Variants in TMEM108 observed in about 807,000 individuals in gnomAD.
TMEM108 encodes the protein cancer/testis antigen 124.
TMEM108 carries 12 observed loss-of-function variants against 35.1 expected under a neutral mutation model. The observed-to-expected ratio is 0.34, with a 90% CI of 0.22 to 0.55. The LOEUF is 0.55. Ranked by LOEUF, TMEM108 falls within the 20% of genes least tolerant of loss-of-function variation. TMEM108 has a pLI of 0.89. For missense variants in TMEM108, 680 were observed against 753.3 expected, an observed-to-expected ratio of 0.90 and a Z score of 1.14; for synonymous variants, 287 against 308.6, an observed-to-expected ratio of 0.93 and a Z score of 0.73.
At chr3:133,075,426 CTTGGGGGATTTTTTGGCCAT>C (rs1251013050) in intron 2 of TMEM108, among the ~76,000 whole-genome samples, 1 of 152,168 alleles carries the variant, frequency 6.6e-6, no homozygotes, top group Non-Finnish European at 1.5e-5. Flanking sequence ...AAAATGAAGT[CTTGGGGGATTTTTTGGCCAT>C]TTCTTTGATC....
At chr3:133,233,188 C>T (rs6796567) in intron 3 of TMEM108, among the ~76,000 whole-genome samples, 4,965 of 152,156 alleles carry the variant, frequency 0.033, 287 homozygotes, top group African/African-American at 0.11. Context: ...TATCCCTCCC[C>T]GCTCCGCCAC....
At chr3:133,108,653 G>T (rs1944188196) in intron 2 of TMEM108, among the ~76,000 whole-genome samples, 1 of 152,014 alleles carries the variant, frequency 6.6e-6, no homozygotes, top group Non-Finnish European at 1.5e-5. Context: ...TTTGGCTTTT[G>T]TTTCCATTGC....
At chr3:133,182,380 CCTG>C (rs1257533233) in intron 2 of TMEM108, among the ~76,000 whole-genome samples, 1 of 152,124 alleles carries the variant, frequency 6.6e-6, no homozygotes, top group African/African-American at 2.4e-5. Context: ...TTTTTAAAAA[CCTG>C]CTGAGTATCA....
chr3:133,358,047 C>T (rs1018338788), intron 3 of TMEM108, among the ~76,000 whole-genome samples: 2 of 152,178 alleles, frequency 1.3e-5, no homozygotes, highest in African/African-American at 4.8e-5. Context: ...AATTTACTCC[C>T]AGAATCACAT....
intron 3 of TMEM108, among the ~76,000 whole-genome samples, chr3:133,262,990 C>T (rs546437062): frequency 4.6e-5 from 7 of 152,272 alleles, no homozygotes; most frequent in African/African-American, 1.7e-4. Flanking sequence ...ATACTTAAAA[C>T]TTGTGTATTT....
intron 2 of TMEM108, among the ~76,000 whole-genome samples, chr3:133,198,664 C>T (rs763101018): frequency 1.3e-5 from 2 of 152,158 alleles, no homozygotes; most frequent in Non-Finnish European, 2.9e-5. Flanking sequence ...AAAAAAAGGG[C>T]ACATCTTTTG....
chr3:133,076,625 A>T (rs1189017015), intron 2 of TMEM108, among the ~76,000 whole-genome samples: 1 of 152,238 alleles, frequency 6.6e-6, no homozygotes, highest in Non-Finnish European at 1.5e-5. Flanking sequence ...CTTCCACTTT[A>T]AATTATTCTC....
intron 2 of TMEM108, among the ~76,000 whole-genome samples, chr3:133,136,416 C>T (rs1484783506): frequency 2.0e-5 from 3 of 152,228 alleles, no homozygotes; most frequent in Non-Finnish European, 4.4e-5. Context: ...TTCCTACCTG[C>T]TCTTTTTAGC....
At chr3:133,262,115 C>T (rs1302439846) in intron 3 of TMEM108, among the ~76,000 whole-genome samples, 2 of 152,226 alleles carry the variant, frequency 1.3e-5, no homozygotes, top group Non-Finnish European at 2.9e-5. Context: ...TGCCTCCACT[C>T]AGCATAGTCT....
At position 133,177,732 on chromosome 3, in the gene TMEM108, A is replaced by G. The variant is rs535913663; in HGVS notation, c.-46-51534A>G. Among the ~76,000 whole-genome samples the G allele has an allele frequency of 9.7e-3, 1,480 of 152,288 alleles. 29 individuals carry two copies. The highest frequency in any genetic ancestry group is 0.034 in the African/African-American group (1,406 of 41,538). ...TACTGAATGGGCAAAAACTGGAAGC[A>G]TTCCCTTTGAAAACTGGCACAAGAT... On this transcript the variant is annotated intron_variant, in intron 2 of 5. Transcript: ENST00000321871.
chr3:133,315,149 T>A (rs2071181457), intron 3 of TMEM108, among the ~76,000 whole-genome samples: 1 of 152,230 alleles, frequency 6.6e-6, no homozygotes, highest in Admixed American at 6.5e-5. Flanking sequence ...TAATAGAGGT[T>A]AAGTATTGTT....
Position 133,229,266 on chromosome 3 carries a change from A to G in TMEM108, c.-46A>G. ...CAATTTTCTTCTCCCAATTTCCTAG[A>G]CAGAATCATGAATAAACTGGAGGAT... On this transcript the variant is annotated splice_region_variant and 5_prime_UTR_variant, in exon 3 of 6. Coordinates refer to ENST00000321871, the MANE Select transcript of TMEM108 (RefSeq NM_023943.4). 6.3e-7 allele frequency: 1 copy of G among 1,594,102 alleles called. No individual in the cohort carries two copies. Among genetic ancestry groups the G allele is most frequent in the Non-Finnish European group, 8.6e-7 (1 of 1,168,354 alleles).
intron 3 of TMEM108, among the ~76,000 whole-genome samples, chr3:133,286,898 G>T (rs1946993317): frequency 6.6e-6 from 1 of 152,144 alleles, no homozygotes; most frequent in Non-Finnish European, 1.5e-5. Flanking sequence ...AATATGAGTT[G>T]GATTGGTTTG....
intron 2 of TMEM108, among the ~76,000 whole-genome samples, chr3:133,165,510 T>C (rs1215191303): frequency 1.3e-5 from 2 of 152,186 alleles, no homozygotes; most frequent in East Asian, 1.9e-4. Flanking sequence ...AAAAAGACTA[T>C]AGACTGTTTT....
At chr3:133,324,735 T>C (rs1185598890) in intron 3 of TMEM108, among the ~76,000 whole-genome samples, 1 of 152,162 alleles carries the variant, frequency 6.6e-6, no homozygotes, top group Non-Finnish European at 1.5e-5. Flanking sequence ...CCCAGCACTT[T>C]GGGAGGCCAA....
chr3:133,379,598 A>G (rs2072940913), intron 3 of TMEM108, 154 bp from the exon 4 acceptor site: 1 of 722,322 alleles, frequency 1.4e-6, no homozygotes, highest in Non-Finnish European at 2.3e-6. Context: ...CTCCACAGAC[A>G]GTTCTGGTTC....
intron 2 of TMEM108, among the ~76,000 whole-genome samples, chr3:133,182,420 C>G (rs1464395190): frequency 6.6e-6 from 1 of 152,108 alleles, no homozygotes; most frequent in Non-Finnish European, 1.5e-5. Flanking sequence ...GCCTGAGATT[C>G]TAGTATGGGT....
At chr3:133,347,515 A>G (rs1379914145) in intron 3 of TMEM108, among the ~76,000 whole-genome samples, 2 of 151,990 alleles carry the variant, frequency 1.3e-5, no homozygotes, top group African/African-American at 2.4e-5. Flanking sequence ...TAGTTCCAGT[A>G]TTTTTTGTTG....
chr3:133,161,292 A>G (rs1019565638), intron 2 of TMEM108, among the ~76,000 whole-genome samples: 1 of 152,114 alleles, frequency 6.6e-6, no homozygotes, highest in Non-Finnish European at 1.5e-5. Flanking sequence ...TCATACCATC[A>G]GCTCTCACCT....
Sources: allele counts gnomAD v4.1 joint callset (sites outside exome capture counted in the v4.1 genomes callset), GRCh38; gene constraint gnomAD v4.1.1; transcripts MANE v1.5; gene names NCBI Gene and HGNC (gene_info 2026-07-23, HGNC 2026-07-21).